The following CERK variants were observed in gnomAD, a reference collection of about 807,000 sequenced individuals.
CERK encodes the protein acylsphingosine kinase.
CERK carries 39 observed loss-of-function variants against 63.4 expected under a neutral mutation model. That is an observed-to-expected ratio of 0.61 (90% CI 0.48 to 0.80). The LOEUF is 0.80. CERK is among the 30% of genes least tolerant of loss of function. CERK has a pLI of 0.00. For synonymous variants in CERK, 302 were observed against 280.0 expected (o/e 1.08, Z -0.78); for missense variants, 670 against 714.1 (o/e 0.94, Z 0.70).
At chr22:46,719,256 G>A (rs1285846813) in intron 3 of CERK, among the ~76,000 whole-genome samples, 1 of 151,980 alleles carries the variant, frequency 6.6e-6, no homozygotes, top group Non-Finnish European at 1.5e-5. Flanking sequence ...CGTGTCATGG[G>A]GGTTTGGTGT....
chr22:46,727,133 C>A (rs2082922488), intron 1 of CERK, among the ~76,000 whole-genome samples: 1 of 152,170 alleles, frequency 6.6e-6, no homozygotes, highest in Non-Finnish European at 1.5e-5. Context: ...TTTCTGACCG[C>A]ACGGATGATG....
rs187010516 is a variant in CERK at position 46,715,305 on chromosome 22, G to T, written c.380-3012C>A. The stretch of plus-strand genomic sequence containing the variant: ...GAATTAAAATGGAAGAAACACAACT[G>T]TTATTATGCACAGCTGACATGATCG... On this transcript the variant is annotated intron_variant, in intron 3 of 12. Transcript: ENST00000216264. Among the ~76,000 whole-genome samples, 226 of 152,086 alleles carry T rather than the reference G, an allele frequency of 1.5e-3. 1 individual carries two copies. The highest frequency in any genetic ancestry group is 2.7e-3 in the Non-Finnish European group (186 of 68,012).
At chr22:46,731,350 C>A (rs999303451) in intron 1 of CERK, among the ~76,000 whole-genome samples, 1 of 152,206 alleles carries the variant, frequency 6.6e-6, no homozygotes, top group Non-Finnish European at 1.5e-5. Flanking sequence ...GCACCTCCAC[C>A]CCCCGCCAAG....
intron 6 of CERK, among the ~76,000 whole-genome samples, chr22:46,706,240 G>A (rs1346577162): frequency 1.3e-5 from 2 of 152,132 alleles, no homozygotes; most frequent in Non-Finnish European, 2.9e-5. Flanking sequence ...CCCTGCCTGT[G>A]GGGAAGACAG....
intron 8 of CERK, among the ~76,000 whole-genome samples, chr22:46,698,866 A>T (rs772340600): frequency 2.6e-5 from 4 of 152,164 alleles, no homozygotes; most frequent in Non-Finnish European, 5.9e-5. Flanking sequence ...GTGCTACTGC[A>T]CTCCAGCCTG....
chr22:46,701,355 C>A (rs1348186031), intron 7 of CERK, among the ~76,000 whole-genome samples: 1 of 152,288 alleles, frequency 6.6e-6, no homozygotes, highest in Non-Finnish European at 1.5e-5. Flanking sequence ...GAGCAAGAGT[C>A]AGGTGAGCTG....
chr22:46,695,289 A>C lies in CERK; in HGVS notation c.970T>G (p.Cys324Gly), dbSNP rs1478020827. 1 of 1,609,576 alleles carries C rather than the reference A, an allele frequency of 6.2e-7. No homozygotes were observed. The highest frequency in any genetic ancestry group is 8.5e-7 in the Non-Finnish European group (1 of 1,175,950). ...SGLKTFLSHH[C>G]YEGTVSFLPA... ...AGGAAGGACACTGTCCCTTCATAGCAGTGGTGGGAGAGGAAGGTCTTTAAA... is the reference window on the plus strand; with the variant it reads ...AGGAAGGACACTGTCCCTTCATAGCCGTGGTGGGAGAGGAAGGTCTTTAAA... Residue 324 changes from cysteine to glycine, a missense_variant, in exon 9 of 13, where the codon TGC becomes GGC. Physicochemically the swap from Cys to Gly is radical, Grantham distance 159 (BLOSUM62 -3). Coordinates refer to ENST00000216264, the MANE Select transcript of CERK (RefSeq NM_022766.6).
chr22:46,698,577 G>A (rs546532637), intron 8 of CERK, among the ~76,000 whole-genome samples: 1 of 152,318 alleles, frequency 6.6e-6, no homozygotes, highest in East Asian at 1.9e-4. Flanking sequence ...TGACTAATAA[G>A]CTCAGAGTGA....
chr22:46,684,472 A>G lies in CERK; in HGVS notation c.*2662T>C, dbSNP rs1189163190. The G allele has an allele frequency of 6.6e-6, 1 of 152,238 alleles. No homozygotes were observed. Among genetic ancestry groups the G allele is most frequent in the Non-Finnish European group, 1.5e-5 (1 of 68,046 alleles). 9.4% of individuals were successfully genotyped at this position (152,238 alleles called of 1,614,324 possible). ...TTCAGATCAAATAATGCCATTTTCT[A>G]ATCTTGAAACCAGCAAGATTAGAAA... On this transcript the variant is annotated 3_prime_UTR_variant, in exon 13 of 13. Transcript: ENST00000216264.
intron 3 of CERK, among the ~76,000 whole-genome samples, chr22:46,715,330 G>A (rs2082861255): frequency 6.6e-6 from 1 of 152,128 alleles, no homozygotes; most frequent in South Asian, 2.1e-4. Flanking sequence ...TGACATGATC[G>A]TGTTTGACAA....
chr22:46,699,517 C>A, intron 7 of CERK, 52 bp from the exon 8 acceptor site: 1 of 1,556,684 alleles, frequency 6.4e-7, no homozygotes, highest in Non-Finnish European at 8.8e-7. Context: ...AGCCCCGCCC[C>A]ATCCACTCCA....
At position 46,720,354 on chromosome 22, in the gene CERK, A is replaced by C; in HGVS notation, c.257-146T>G. 8 of 892,068 alleles carry C rather than the reference A, an allele frequency of 9.0e-6. No homozygotes were observed. In the South Asian group the frequency reaches 1.3e-4, roughly 14 times the overall value. The allele number at this position is 892,068 out of a possible 1,614,324, so 55.3% of individuals were successfully genotyped here. A position where few individuals can be genotyped will look rare whatever the true frequency, so the allele number is the denominator to read the frequency against. ...TCCTCCCTTCTAATTAGTAACTTTC[A>C]AGGTATATTAGAAAAAAACATCCGA... On this transcript the variant is annotated intron_variant, in intron 2 of 12. Coordinates refer to ENST00000216264, the MANE Select transcript of CERK (RefSeq NM_022766.6).
chr22:46,714,377 G>A lies in CERK; in HGVS notation c.380-2084C>T, dbSNP rs1383520704. Among the ~76,000 whole-genome samples the A allele has an allele frequency of 1.3e-5, 2 of 152,322 alleles. No homozygotes were observed. Among genetic ancestry groups the A allele is most frequent in the East Asian group, 3.9e-4 (2 of 5,190 alleles). ...GAGAATCACTTGAACCTGGGAGGTC[G>A]AGGCTGCAGTGAGCTATGGTCGTGC... On this transcript the variant is annotated intron_variant, in intron 3 of 12. Coordinates refer to ENST00000216264, the MANE Select transcript of CERK (RefSeq NM_022766.6). The surrounding 1 kb of genome is among the most constrained non-coding windows in gnomAD (Gnocchi z 4.4).
At position 46,702,349 on chromosome 22, in the gene CERK, C is replaced by T. The variant is rs374321564; in HGVS notation, c.716-639G>A. On this transcript the variant is annotated intron_variant, in intron 6 of 12. Transcript: ENST00000216264. ...TTGCTCTGTCGCCCAGGCTGGAGTGCGGTGGCGTGATCTTGGCTCACTGCA... is the reference window on the plus strand; with the variant it reads ...TTGCTCTGTCGCCCAGGCTGGAGTGTGGTGGCGTGATCTTGGCTCACTGCA... Among the ~76,000 whole-genome samples, 53 of 147,972 alleles carry T rather than the reference C, an allele frequency of 3.6e-4. 1 individual carries two copies. Among genetic ancestry groups the T allele is most frequent in the African/African-American group, 1.0e-3 (41 of 39,986 alleles).
Position 46,686,822 on chromosome 22 carries a change from A to G in CERK, c.*312T>C. The G allele has an allele frequency of 3.1e-6, 1 of 320,808 alleles. No individual in the cohort carries two copies. The allele number at this position is 320,808 out of a possible 1,614,324, so 19.9% of individuals were successfully genotyped here. ...ATAATGTCCCTAACATTATTGCAAT[A>G]GAGCCACTAACGGGCCATTTTCTAA... On this transcript the variant is annotated 3_prime_UTR_variant, in exon 13 of 13. Transcript: ENST00000216264.
At position 46,689,873 on chromosome 22, in the gene CERK, T is replaced by C. The variant is rs2082720932; in HGVS notation, c.1541+119A>G. On this transcript the variant is annotated intron_variant, in intron 12 of 12. Coordinates refer to ENST00000216264, the MANE Select transcript of CERK (RefSeq NM_022766.6). ...AGAGAAAAGTGCATTTATAAAACAT[T>C]CTTACGTTTTGTGTTTATAAAGCCC... 4.6e-6 allele frequency: 3 copies of C among 648,744 alleles called. No homozygotes were observed. In the East Asian group the frequency reaches 8.5e-5, roughly 18 times the overall value. The allele number at this position is 648,744 out of a possible 1,614,324, so 40.2% of individuals were successfully genotyped here.
intron 1 of CERK, among the ~76,000 whole-genome samples, chr22:46,724,404 G>A (rs989095421): frequency 6.6e-6 from 1 of 152,194 alleles, no homozygotes; most frequent in Admixed American, 6.5e-5. Flanking sequence ...GGGCTGGGGC[G>A]CTAACCCCCA....
At chr22:46,702,531 T>G (rs1192672413) in intron 6 of CERK, among the ~76,000 whole-genome samples, 2 of 152,126 alleles carry the variant, frequency 1.3e-5, no homozygotes, top group Non-Finnish European at 2.9e-5. Context: ...GACCTCGTGA[T>G]CCGCCCGCCT....
chr22:46,694,721 C>A (rs1248189254), intron 9 of CERK, among the ~76,000 whole-genome samples: 1 of 152,178 alleles, frequency 6.6e-6, no homozygotes, highest in African/African-American at 2.4e-5. Context: ...GAGCATGGGG[C>A]TAACATGGGT....
Sources: gnomAD v4.1 joint callset for allele counts (sites outside exome capture counted in the v4.1 genomes callset) on GRCh38, gnomAD v4.1.1 for gene constraint, Gnocchi (gnomAD v3.1) non-coding constraint, MANE v1.5 for transcripts, NCBI Gene and HGNC (gene_info 2026-07-23, HGNC 2026-07-21) for gene names.